BCAT2: variants seen among roughly 807,000 people sequenced by gnomAD.
BCAT2 encodes the protein branched-chain-amino-acid aminotransferase, mitochondrial.
A neutral mutation model predicts 52.9 loss-of-function variants in BCAT2; 44 were observed. That is an observed-to-expected ratio of 0.83 (90% CI 0.65 to 1.07). The LOEUF is 1.07. Ranked by LOEUF, BCAT2 falls within the 50% of genes least tolerant of loss-of-function variation. The pLI is 0.00. For missense variants in BCAT2, 478 were observed against 521.8 expected (o/e 0.92, Z 0.82); for synonymous variants, 215 against 217.1 (o/e 0.99, Z 0.08).
At chr19:48,797,912 G>A (rs958912947) in intron 6 of BCAT2, among the ~76,000 whole-genome samples, 2 of 151,656 alleles carry the variant, frequency 1.3e-5, no homozygotes, top group Non-Finnish European at 2.9e-5. Flanking sequence ...CGCCTCTCGG[G>A]TCCAAGCGAT....
chr19:48,810,609 G>T (rs2034897331), intron 1 of BCAT2, among the ~76,000 whole-genome samples: 2 of 152,036 alleles, frequency 1.3e-5, no homozygotes, highest in Non-Finnish European at 2.9e-5. Flanking sequence ...GGCCCTGGAG[G>T]TCTGGGCCCC....
chr19:48,796,658 C>T lies in BCAT2; in HGVS notation c.985G>A (p.Glu329Lys). 3.7e-6 allele frequency: 6 copies of T among 1,613,670 alleles called. No individual in the cohort carries two copies. The highest frequency in any genetic ancestry group is 4.2e-6 in the Non-Finnish European group (5 of 1,180,022). ...CCAAAGACTTCCCGCACGCGGCCCTCCTCCAGGGCCCGCAGCAACTGCTTC... is the reference window on the plus strand; with the variant it reads ...CCAAAGACTTCCCGCACGCGGCCCTTCTCCAGGGCCCGCAGCAACTGCTTC... ...TMKQLLRALE[E>K]GRVREVFGSG... Residue 329 changes from glutamate (E) to lysine (K), a missense_variant, in exon 9 of 11, where the codon GAG becomes AAG. Transcript: ENST00000316273.
At chr19:48,797,426 C>T (rs973213303) in intron 6 of BCAT2, 93 bp from the exon 7 acceptor site, 7 of 1,484,006 alleles carry the variant, frequency 4.7e-6, no homozygotes, top group Non-Finnish European at 6.4e-6. Flanking sequence ...TCTCCCGTCT[C>T]CCTGCTCACA....
chr19:48,798,626 C>T (rs1568506230), intron 6 of BCAT2, among the ~76,000 whole-genome samples: 1 of 112,442 alleles, frequency 8.9e-6, no homozygotes, highest in Non-Finnish European at 2.4e-5. Flanking sequence ...TCTGCGAAAC[C>T]TTTCTTTTTT....
At chr19:48,810,797 G>T in intron 1 of BCAT2, 187 bp downstream of exon 1, 5 of 1,246,772 alleles carry the variant, frequency 4.0e-6, no homozygotes, top group Non-Finnish European at 3.0e-6. Flanking sequence ...GCGTCTACCT[G>T]CTCCCCCTCA....
Position 48,795,189 on chromosome 19 carries a change from G to C in BCAT2, c.*237C>G, listed in dbSNP as rs1310647454. On this transcript the variant is annotated 3_prime_UTR_variant, in exon 11 of 11. Transcript: ENST00000316273. ...TCGGGGCCAAGGTGTATCCTTGACC[G>C]CACGACAAGGAGTAATGGGCGGACC... The C allele has an allele frequency of 1.0e-5, 6 of 595,946 alleles. No individual in the cohort carries two copies. The highest frequency in any genetic ancestry group is 1.8e-5 in the Non-Finnish European group (6 of 332,390). 36.9% of individuals were successfully genotyped at this position (595,946 alleles called of 1,614,324 possible). A position where few individuals can be genotyped will look rare whatever the true frequency, so the allele number is the denominator to read the frequency against.
chr19:48,807,838 C>T lies in BCAT2; in HGVS notation c.25-764G>A. On this transcript the variant is annotated intron_variant, in intron 1 of 10. Transcript: ENST00000316273. The surrounding 1 kb of genome is among the most constrained non-coding windows in gnomAD (Gnocchi z 4.6). ...GGGGCAGCTACAGGGGCCTGGGGAG[C>T]CACTGCAGTCCTCACTGCATGAGGC... 1 of 985,650 alleles carries T rather than the reference C, an allele frequency of 1.0e-6. No individual in the cohort carries two copies. The highest frequency in any genetic ancestry group is 1.2e-6 in the Non-Finnish European group (1 of 830,008). 61.1% of individuals were successfully genotyped at this position (985,650 alleles called of 1,614,324 possible).
At chr19:48,795,538 G>GCC in intron 10 of BCAT2, 74 bp from the exon 11 acceptor site, 3 of 1,555,672 alleles carry the variant, frequency 1.9e-6, no homozygotes, top group South Asian at 2.3e-5. Context: ...GGTGTTCCAG[G>GCC]CCGAGTGCCT....
Position 48,800,310 on chromosome 19 carries a change from G to A in BCAT2, c.301-13C>T. On this transcript the variant is annotated splice_polypyrimidine_tract_variant and intron_variant, in intron 3 of 10. Transcript: ENST00000316273. ...TGCCCTCAAACAGCTGCGGGGACAC[G>A]CGGGTGGGGAGGCTCAGAGACTTCT... 1.2e-6 allele frequency: 2 copies of A among 1,611,470 alleles called. No individual in the cohort carries two copies. The highest frequency in any genetic ancestry group is 1.7e-6 in the Non-Finnish European group (2 of 1,179,138).
chr19:48,796,172 T>C, intron 10 of BCAT2: 1 of 537,700 alleles, frequency 1.9e-6, no homozygotes, highest in Non-Finnish European at 3.3e-6. Flanking sequence ...CCGCAGAGGA[T>C]CACAGGAAGG....
intron 8 of BCAT2, 49 bp downstream of exon 8, chr19:48,796,888 C>G (rs1007804429): frequency 2.5e-6 from 4 of 1,607,500 alleles, no homozygotes; most frequent in Non-Finnish European, 2.6e-6. Context: ...CTCTGATGCC[C>G]TGGCCCCTGG....
intron 3 of BCAT2, 77 bp from the exon 4 acceptor site, chr19:48,800,374 G>A: frequency 7.8e-7 from 1 of 1,289,386 alleles, no homozygotes; most frequent in Non-Finnish European, 1.1e-6. Context: ...GACAGAGACA[G>A]ATACACAAAG....
rs1410968895 is a variant in BCAT2, at chr19:48,797,221, T to C, written c.808A>G (p.Ile270Val). The C allele has an allele frequency of 1.2e-6, 2 of 1,613,802 alleles. No individual in the cohort carries two copies. The highest frequency in any genetic ancestry group is 1.3e-5 in the African/African-American group (1 of 74,926). The change falls in exon 7 of 11, where the codon ATC becomes GTC. Residue 270 changes from isoleucine (I) to valine (V), a missense_variant. By Grantham distance (29) the Ile-to-Val change is conservative. Transcript: ENST00000316273. ...HQLTEVGTMN[I>V]FVYWTHEDGV... is the part of the protein sequence containing the mutation. ...TCTTCGTGGGTCCAGTAGACAAAGA[T>C]GTTCATGGTTCCCACCTCGGTGAGC... is the stretch of plus-strand genomic sequence containing the variant.
intron 6 of BCAT2, among the ~76,000 whole-genome samples, chr19:48,797,794 ATTTCTTTT>A (rs372796296): frequency 0.048 from 6,518 of 136,566 alleles, 140 homozygotes; most frequent in Middle Eastern, 0.1. Context: ...ATTCAAAACC[ATTTCTTTT>A]TTTCTTTTTT....
intron 1 of BCAT2, among the ~76,000 whole-genome samples, chr19:48,810,615 G>A (rs1170880511): frequency 6.6e-6 from 1 of 151,956 alleles, no homozygotes; most frequent in East Asian, 1.9e-4. Context: ...GGAGGTCTGG[G>A]CCCCTTTATT....
chr19:48,806,984 A>T lies in BCAT2; in HGVS notation c.99+16T>A, dbSNP rs1490356493. On this transcript the variant is annotated intron_variant, in intron 2 of 10. Coordinates refer to ENST00000316273, the MANE Select transcript of BCAT2 (RefSeq NM_001190.4). The stretch of plus-strand genomic sequence containing the variant: ...CCTCCTCTCTCAGAGCCAAGCATCG[A>T]GTTCCCTCCTTTCACCTTGAAACTG... 1.9e-6 allele frequency: 3 copies of T among 1,612,290 alleles called. No homozygotes were observed.
In BCAT2 at chr19:48,795,300, G is replaced by A. The variant is rs1378842892; in HGVS notation, c.*126C>T. 2 of 1,302,852 alleles carry A rather than the reference G, an allele frequency of 1.5e-6. No homozygotes were observed. The highest frequency in any genetic ancestry group is 1.8e-4 in the Middle Eastern group (1 of 5,440). The allele number at this position is 1,302,852 out of a possible 1,614,324, so 80.7% of individuals were successfully genotyped here. A position where few individuals can be genotyped will look rare whatever the true frequency, so the allele number is the denominator to read the frequency against. ...GTGTCGCAACCACATGGGGGCGCCA[G>A]AGACCCAGACGCCGCCCGCTGGCCT... On this transcript the variant is annotated 3_prime_UTR_variant, in exon 11 of 11. Coordinates refer to ENST00000316273, the MANE Select transcript of BCAT2 (RefSeq NM_001190.4).
chr19:48,795,490 G>T (rs746060748), intron 10 of BCAT2, 26 bp from the exon 11 acceptor site: 3 of 1,612,978 alleles, frequency 1.9e-6, no homozygotes. Context: ...GGCAGTGCGT[G>T]AGGTGGAAGC....
intron 3 of BCAT2, among the ~76,000 whole-genome samples, chr19:48,804,363 G>A (rs1034159385): frequency 6.6e-6 from 1 of 151,974 alleles, no homozygotes; most frequent in Non-Finnish European, 1.5e-5. Flanking sequence ...GGCCAACATG[G>A]TGAAACCCTG....
Sources: gnomAD v4.1 joint callset for allele counts (sites outside exome capture counted in the v4.1 genomes callset) on GRCh38, gnomAD v4.1.1 for gene constraint, Gnocchi (gnomAD v3.1) non-coding constraint, MANE v1.5 for transcripts, NCBI Gene and HGNC (gene_info 2026-07-23, HGNC 2026-07-21) for gene names.